The following MAP2K6 variants were observed in gnomAD, a reference collection of about 807,000 sequenced individuals.
The protein encoded by MAP2K6 is mitogen-activated protein kinase kinase 6, also known as dual specificity mitogen-activated protein kinase kinase 6.
A neutral mutation model predicts 53.7 loss-of-function variants in MAP2K6; 16 were observed. The ratio of observed to expected loss-of-function variants is 0.30; its 90% CI spans 0.20 to 0.45. The LOEUF (loss-of-function observed/expected upper bound fraction) is 0.45. MAP2K6 is among the 20% of genes least tolerant of loss of function. The pLI is 1.00. For synonymous variants in MAP2K6, 132 were observed against 143.1 expected (o/e 0.92, Z 0.55); for missense variants, 204 against 411.9 (o/e 0.50, Z 4.37).
At chr17:69,475,460 G>T (rs531194696) in intron 1 of MAP2K6, among the ~76,000 whole-genome samples, 1 of 152,166 alleles carries the variant, frequency 6.6e-6, no homozygotes, top group Non-Finnish European at 1.5e-5. Context: ...GAGCCACCGC[G>T]CCCGGCCCTG....
chr17:69,443,330 A>G (rs1906876760), intron 1 of MAP2K6, among the ~76,000 whole-genome samples: 2 of 152,152 alleles, frequency 1.3e-5, no homozygotes, highest in South Asian at 2.1e-4. Flanking sequence ...GCAATAGACC[A>G]TGGCAGTGTA....
intron 1 of MAP2K6, among the ~76,000 whole-genome samples, chr17:69,454,523 T>C (rs752696372): frequency 6.6e-6 from 1 of 151,912 alleles, no homozygotes; most frequent in African/African-American, 2.4e-5. Flanking sequence ...TAGCTGGGAC[T>C]ACAGGCACGC....
chr17:69,440,876 T>G (rs977288787), intron 1 of MAP2K6, among the ~76,000 whole-genome samples: 3 of 152,198 alleles, frequency 2.0e-5, no homozygotes, highest in Non-Finnish European at 4.4e-5. Flanking sequence ...TTCAAGATTG[T>G]TTTCTTTAGT....
chr17:69,424,503 G>A (rs188492201), intron 1 of MAP2K6, among the ~76,000 whole-genome samples: 6 of 152,274 alleles, frequency 3.9e-5, no homozygotes, highest in Admixed American at 2.6e-4. Flanking sequence ...AACTGAGGCC[G>A]GAGAGGTTAA....
intron 10 of MAP2K6, among the ~76,000 whole-genome samples, chr17:69,533,148 T>C (rs528882595): frequency 6.6e-6 from 1 of 152,182 alleles, no homozygotes; most frequent in African/African-American, 2.4e-5. Context: ...AGGCTGGTCT[T>C]GAACTCCTGA....
In MAP2K6 at chr17:69,533,357, T is replaced by C. The variant is rs1397835346; in HGVS notation, c.882-2758T>C. Among the ~76,000 whole-genome samples the C allele has an allele frequency of 3.3e-5, 5 of 152,378 alleles. No individual in the cohort carries two copies. The South Asian group carries it at 6.2e-4, about 19-fold the overall frequency. On this transcript the variant is annotated intron_variant, in intron 10 of 11. Transcript: ENST00000590474. Reference sequence around the variant, plus strand: ...CAGTATTTTTAAAAATGGAGATGTTTAAGCTCATCTATCTGTTGGAAAGAG... The same window carrying C: ...CAGTATTTTTAAAAATGGAGATGTTCAAGCTCATCTATCTGTTGGAAAGAG...
At chr17:69,431,207 GA>G (rs1384066516) in intron 1 of MAP2K6, among the ~76,000 whole-genome samples, 1 of 152,146 alleles carries the variant, frequency 6.6e-6, no homozygotes, top group Non-Finnish European at 1.5e-5. Context: ...AATGGGTGCA[GA>G]GCTGGGATTT....
intron 1 of MAP2K6, among the ~76,000 whole-genome samples, chr17:69,486,196 G>A (rs1908530238): frequency 6.6e-6 from 1 of 152,148 alleles, no homozygotes; most frequent in Non-Finnish European, 1.5e-5. Context: ...GAAGCCCAAC[G>A]ACTGTAATTA....
chr17:69,532,387 A>G (rs1320719331), intron 10 of MAP2K6, among the ~76,000 whole-genome samples: 1 of 152,244 alleles, frequency 6.6e-6, no homozygotes, highest in African/African-American at 2.4e-5. Flanking sequence ...TCAAGACAGC[A>G]TGAGCTGTTT....
chr17:69,535,021 G>T (rs1385903643), intron 10 of MAP2K6, among the ~76,000 whole-genome samples: 1 of 151,014 alleles, frequency 6.6e-6, no homozygotes, highest in Non-Finnish European at 1.5e-5. Context: ...ATAGAGGATA[G>T]GGATGGGCTG....
Position 69,460,295 on chromosome 17 carries a change from A to T in MAP2K6, c.16+45295A>T, listed in dbSNP as rs372422999. 1.1e-4 allele frequency among the ~76,000 whole-genome samples: 17 copies of T among 152,284 alleles called. No individual in the cohort carries two copies. In the East Asian group the frequency reaches 1.9e-3, roughly 17 times the overall value. ...ACATGGAGAAAGGGTGGAAACTCAT[A>T]TTAGAAGGACAGGTGCTTGAGCTGA... On this transcript the variant is annotated intron_variant, in intron 1 of 11. Coordinates refer to ENST00000590474, the MANE Select transcript of MAP2K6 (RefSeq NM_002758.4).
intron 1 of MAP2K6, among the ~76,000 whole-genome samples, chr17:69,448,093 T>G (rs1383988693): frequency 1.3e-5 from 2 of 152,180 alleles, no homozygotes; most frequent in Non-Finnish European, 2.9e-5. Flanking sequence ...CTTCTATCAA[T>G]AAACCCTGAC....
chr17:69,472,492 A>G (rs1209341236), intron 1 of MAP2K6, among the ~76,000 whole-genome samples: 1 of 152,018 alleles, frequency 6.6e-6, no homozygotes, highest in Non-Finnish European at 1.5e-5. Context: ...TGGGCACTCA[A>G]ATTTCCTCTT....
rs893804220 is a variant in MAP2K6 at position 69,545,183 on chromosome 17, A to C, written c.*3430A>C. 5 of 151,876 alleles carry C rather than the reference A, an allele frequency of 3.3e-5. No homozygotes were observed. Among genetic ancestry groups the C allele is most frequent in the African/African-American group, 1.2e-4 (5 of 41,430 alleles). 9.4% of individuals were successfully genotyped at this position (151,876 alleles called of 1,614,324 possible). A position where few individuals can be genotyped will look rare whatever the true frequency, so the allele number is the denominator to read the frequency against. ...CCACCACCCCTGCCCAAAGTGCATGATTATTTTTAACCAGAGTCATTCTTC... is the reference window on the plus strand; with the variant it reads ...CCACCACCCCTGCCCAAAGTGCATGCTTATTTTTAACCAGAGTCATTCTTC... On this transcript the variant is annotated 3_prime_UTR_variant, in exon 12 of 12. Transcript: ENST00000590474.
chr17:69,444,827 G>A (rs975207302), intron 1 of MAP2K6, among the ~76,000 whole-genome samples: 7 of 152,184 alleles, frequency 4.6e-5, no homozygotes, highest in African/African-American at 1.2e-4. Context: ...CATGACAAAC[G>A]TCCACTGAAC....
chr17:69,496,274 CTTTT>C (rs10676734), intron 1 of MAP2K6, among the ~76,000 whole-genome samples: 1 of 140,374 alleles, frequency 7.1e-6, no homozygotes, highest in Non-Finnish European at 1.5e-5. Flanking sequence ...GCCTTCCCTT[CTTTT>C]TTTTTTTTTT....
At chr17:69,446,102 C>T (rs993399663) in intron 1 of MAP2K6, among the ~76,000 whole-genome samples, 1 of 152,184 alleles carries the variant, frequency 6.6e-6, no homozygotes, top group African/African-American at 2.4e-5. Context: ...TTTGGGTATG[C>T]AGCATGTTGT....
intron 1 of MAP2K6, among the ~76,000 whole-genome samples, chr17:69,501,208 T>G (rs1255646536): frequency 6.6e-6 from 1 of 152,214 alleles, no homozygotes; most frequent in Non-Finnish European, 1.5e-5. Flanking sequence ...GTGTCAATAA[T>G]CATAAACTCT....
Position 69,531,235 on chromosome 17 carries a change from A to T in MAP2K6, c.881+4526A>T, listed in dbSNP as rs1219452548. On this transcript the variant is annotated intron_variant, in intron 10 of 11. Coordinates refer to ENST00000590474, the MANE Select transcript of MAP2K6 (RefSeq NM_002758.4). Reference sequence around the variant, plus strand: ...ATACATCTATGTTTTTATTGCCTACATCTGTCTTTGGTATGCAGAAAAAGA... The same window carrying T: ...ATACATCTATGTTTTTATTGCCTACTTCTGTCTTTGGTATGCAGAAAAAGA... 3.3e-5 allele frequency among the ~76,000 whole-genome samples: 5 copies of T among 152,182 alleles called. No homozygotes were observed. In the South Asian group the frequency reaches 1.0e-3, roughly 32 times the overall value.
Sources: gnomAD v4.1 joint callset for allele counts (sites outside exome capture counted in the v4.1 genomes callset) on GRCh38, gnomAD v4.1.1 for gene constraint, MANE v1.5 for transcripts, NCBI Gene and HGNC (gene_info 2026-07-23, HGNC 2026-07-21) for gene names.